NSUN4: variants seen among roughly 807,000 people sequenced by gnomAD.
NSUN4 encodes NOP2/Sun RNA methyltransferase 4.
A neutral mutation model predicts 43.8 loss-of-function variants in NSUN4; 31 were observed. The ratio of observed to expected loss-of-function variants is 0.71; its 90% CI spans 0.53 to 0.96. The LOEUF (loss-of-function observed/expected upper bound fraction) is 0.96. Among genes scored for constraint, NSUN4 ranks in the 40% least tolerant of loss-of-function variants. The pLI is 0.00. For synonymous variants in NSUN4, 167 were observed against 184.1 expected (o/e 0.91, Z 0.75); for missense variants, 439 against 475.6 (o/e 0.92, Z 0.72).
At chr1:46,378,511 CT>C in the NSUN4 span, among the ~76,000 whole-genome samples, 1 of 152,076 alleles carries the variant, frequency 6.6e-6, no homozygotes, top group Admixed American at 6.6e-5. Context: ...GATTTTGAGT[CT>C]TGAAGATCCA....
chr1:46,377,273 C>A, the NSUN4 span, among the ~76,000 whole-genome samples: 2 of 152,172 alleles, frequency 1.3e-5, no homozygotes, highest in East Asian at 3.8e-4. Flanking sequence ...TGGTCTCAAA[C>A]TCCTGACTTT....
chr1:46,369,386 G>T (rs566092181), downstream of NSUN4, among the ~76,000 whole-genome samples: 1 of 152,168 alleles, frequency 6.6e-6, no homozygotes, highest in African/African-American at 2.4e-5. Context: ...AACTGTAGAC[G>T]CTAGAGTGGT....
chr1:46,366,732 G>A (rs1003888447), downstream of NSUN4, among the ~76,000 whole-genome samples: 3 of 140,556 alleles, frequency 2.1e-5, no homozygotes, highest in Non-Finnish European at 3.1e-5. Context: ...AAAAAAAAGT[G>A]GGTAGAGAAC....
In NSUN4 at chr1:46,360,713, G is replaced by A. The variant is rs928168255; in HGVS notation, c.763G>A (p.Asp255Asn). The change falls in exon 5 of 6, where the codon GAT becomes AAT. Residue 255 changes from aspartate (D) to asparagine (N), a missense_variant. By Grantham distance (23) the Asp-to-Asn change is conservative (BLOSUM62 1). Coordinates refer to ENST00000474844, the MANE Select transcript of NSUN4 (RefSeq NM_199044.4). ...EGDTYDRVLV[D>N]VPCTTDRHSL... ...TTAACACTCTGGGTAGGTGCTGGTG[G>A]ATGTGCCCTGTACCACAGACCGCCA... 3 of 1,613,922 alleles carry A rather than the reference G, an allele frequency of 1.9e-6. No homozygotes were observed. In the Admixed American group the frequency reaches 5.0e-5, roughly 27 times the overall value.
intron 3 of NSUN4, among the ~76,000 whole-genome samples, chr1:46,348,199 T>C (rs961573158): frequency 6.6e-6 from 1 of 152,068 alleles, no homozygotes; most frequent in Non-Finnish European, 1.5e-5. Flanking sequence ...AAGTACTCAC[T>C]TCAGCCATCC....
intron 3 of NSUN4, among the ~76,000 whole-genome samples, chr1:46,349,486 T>G (rs1233293961): frequency 6.6e-6 from 1 of 152,188 alleles, no homozygotes; most frequent in Non-Finnish European, 1.5e-5. Context: ...CTGGCCGATA[T>G]CCTGCCTTAA....
At position 46,341,266 on chromosome 1, in the gene NSUN4, C is replaced by CT. The variant is rs1322667442; in HGVS notation, c.93+350dup. The CT allele has an allele frequency of 6.7e-6, 7 of 1,037,694 alleles. No individual in the cohort carries two copies. In the African/African-American group the frequency reaches 1.2e-4, roughly 18 times the overall value. 64.3% of individuals were successfully genotyped at this position (1,037,694 alleles called of 1,614,324 possible). A position where few individuals can be genotyped will look rare whatever the true frequency, so the allele number is the denominator to read the frequency against. On this transcript the variant is annotated intron_variant, in intron 1 of 5. Coordinates refer to ENST00000474844, the MANE Select transcript of NSUN4 (RefSeq NM_199044.4). ...TTTTACTTCCCTCCCTCCCCTCCCC[C>CT]TTTCCCTTGCCCATTCTTCCCCCAC...
intron 4 of NSUN4, among the ~76,000 whole-genome samples, chr1:46,353,844 G>A (rs1663180030): frequency 6.6e-6 from 1 of 151,964 alleles, no homozygotes; most frequent in Non-Finnish European, 1.5e-5. Flanking sequence ...GTGTCCTGGG[G>A]TTAAATCCTT....
Position 46,360,750 on chromosome 1 carries a change from A to G in NSUN4, c.800A>G (p.Glu267Gly). 2 of 1,613,840 alleles carry G rather than the reference A, an allele frequency of 1.2e-6. No homozygotes were observed. The highest frequency in any genetic ancestry group is 1.7e-6 in the Non-Finnish European group (2 of 1,179,712). Residue 267 changes from glutamate to glycine, a missense_variant, in exon 5 of 6, where the codon GAG (glutamate) becomes GGG (glycine). Physicochemically the swap from Glu to Gly is moderately conservative, Grantham distance 98. Transcript: ENST00000474844. ...PCTTDRHSLH[E>G]EENNIFKRSR... The stretch of plus-strand genomic sequence containing the variant: ...ACCACAGACCGCCACTCCCTTCATG[A>G]GGAGGAGAACAACATCTTTAAGCGG...
the NSUN4 span, among the ~76,000 whole-genome samples, chr1:46,371,135 ATTTT>A: frequency 3.1e-5 from 4 of 131,142 alleles, no homozygotes; most frequent in Non-Finnish European, 3.3e-5. Flanking sequence ...TGCCACCTTG[ATTTT>A]TTTTTTTTTT....
At chr1:46,378,121 A>G in the NSUN4 span, among the ~76,000 whole-genome samples, 1 of 151,912 alleles carries the variant, frequency 6.6e-6, no homozygotes, top group Non-Finnish European at 1.5e-5. Flanking sequence ...CTGGTCTCGA[A>G]CTCCTGAGCT....
At chr1:46,380,808 C>A in the NSUN4 span, among the ~76,000 whole-genome samples, 2 of 152,042 alleles carry the variant, frequency 1.3e-5, no homozygotes, top group Non-Finnish European at 1.5e-5. Context: ...CCCATAAAAC[C>A]CCTCTCTGTG....
intron 4 of NSUN4, among the ~76,000 whole-genome samples, chr1:46,359,125 T>C (rs1315989911): frequency 6.6e-6 from 1 of 151,916 alleles, no homozygotes; most frequent in East Asian, 1.9e-4. Context: ...CTGAGCGTGG[T>C]ATTGTGCGCC....
Position 46,360,791 on chromosome 1 carries a change from C to T in NSUN4, c.841C>T (p.Arg281Ter), listed in dbSNP as rs138980498. ...NIFKRSRKKE[R>*]QILPVLQVQL... is the part of the protein sequence containing the mutation. ...CTTTAAGCGGTCAAGGAAGAAGGAGCGACAGATATTGCCTGTGCTGCAAGT... is the reference window on the plus strand; with the variant it reads ...CTTTAAGCGGTCAAGGAAGAAGGAGTGACAGATATTGCCTGTGCTGCAAGT... The change falls in exon 5 of 6, where the codon CGA (arginine) becomes TGA (stop). Residue 281 changes from arginine (R) to a stop codon, truncating the protein, a stop_gained. Coordinates refer to ENST00000474844, the MANE Select transcript of NSUN4 (RefSeq NM_199044.4). LOFTEE classifies it high-confidence loss of function. 39 of 1,613,954 alleles carry T rather than the reference C, an allele frequency of 2.4e-5. No homozygotes were observed. The highest frequency in any genetic ancestry group is 3.3e-5 in the South Asian group (3 of 91,084).
the NSUN4 span, among the ~76,000 whole-genome samples, chr1:46,376,411 A>G: frequency 6.6e-6 from 1 of 152,050 alleles, no homozygotes; most frequent in African/African-American, 2.4e-5. Flanking sequence ...CCTGCATAAA[A>G]AAAAAAAAAG....
chr1:46,381,874 A>G, the NSUN4 span, among the ~76,000 whole-genome samples: 6 of 152,142 alleles, frequency 3.9e-5, no homozygotes, highest in African/African-American at 1.4e-4. Flanking sequence ...TTCTAGGGAA[A>G]CTGAGGTCTA....
Position 46,363,979 on chromosome 1 carries a change from T to C in NSUN4, c.*2133T>C, listed in dbSNP as rs1390520655. 6.6e-6 allele frequency: 1 copy of C among 151,878 alleles called. No homozygotes were observed. Among genetic ancestry groups the C allele is most frequent in the Non-Finnish European group, 1.5e-5 (1 of 68,004 alleles). 9.4% of individuals were successfully genotyped at this position (151,878 alleles called of 1,614,324 possible). A position where few individuals can be genotyped will look rare whatever the true frequency, so the allele number is the denominator to read the frequency against. On this transcript the variant is annotated 3_prime_UTR_variant, in exon 6 of 6. Transcript: ENST00000474844. ...TGTTTAATAAATTTTGATAATTGTA[T>C]ATAATAGTATAGTCACCATCAAGAT...
chr1:46,346,719 C>T lies in NSUN4; in HGVS notation c.438-202C>T, dbSNP rs141952697. Among the ~76,000 whole-genome samples, 11 of 152,132 alleles carry T rather than the reference C, an allele frequency of 7.2e-5. No homozygotes were observed. The East Asian group carries it at 1.4e-3, about 19-fold the overall frequency. ...AGCCTGGGTAACAAAAGTGAAACTC[C>T]GTCAGTCAATCAATCAGTAAATAAA... On this transcript the variant is annotated intron_variant, in intron 2 of 5. Transcript: ENST00000474844.
the NSUN4 span, among the ~76,000 whole-genome samples, chr1:46,375,249 A>G: frequency 6.6e-6 from 1 of 151,966 alleles, no homozygotes; most frequent in African/African-American, 2.4e-5. Flanking sequence ...CAGCCTGACC[A>G]ACATGGAGAA....
Sources: gnomAD v4.1 joint callset for allele counts (sites outside exome capture counted in the v4.1 genomes callset) on GRCh38, gnomAD v4.1.1 for gene constraint, MANE v1.5 for transcripts, NCBI Gene and HGNC (gene_info 2026-07-23, HGNC 2026-07-21) for gene names.